WDR3: variants seen among roughly 807,000 people sequenced by gnomAD.
WDR3 encodes WD repeat domain 3, also known as WD repeat-containing protein 3.
Under a neutral mutation model 123.7 loss-of-function variants are expected in WDR3, and 81 were observed. The observed-to-expected ratio is 0.65, with a 90% confidence interval of 0.55 to 0.79. The LOEUF is 0.79. WDR3 is among the 30% of genes least tolerant of loss of function. WDR3 has a pLI of 0.00. For missense variants in WDR3, 1,027 were observed against 1,123.2 expected (o/e 0.91, Z 1.22); for synonymous variants, 390 against 388.8 (o/e 1.00, Z -0.04).
At chr1:117,934,401 G>T (rs779379918) in intron 2 of WDR3, 72 bp from the exon 3 acceptor site, 11 of 1,443,026 alleles carry the variant, frequency 7.6e-6, no homozygotes, top group Non-Finnish European at 9.6e-6. Flanking sequence ...TACTGTGCCT[G>T]AGTATTCCTA....
chr1:117,947,842 C>A (rs1420093164), intron 12 of WDR3, among the ~76,000 whole-genome samples: 2 of 152,098 alleles, frequency 1.3e-5, no homozygotes, highest in Non-Finnish European at 2.9e-5. Context: ...CATATACAGA[C>A]CTCTAAATAG....
At chr1:117,944,826 C>T (rs369532527) in intron 11 of WDR3, among the ~76,000 whole-genome samples, 3 of 152,034 alleles carry the variant, frequency 2.0e-5, no homozygotes, top group South Asian at 2.1e-4. Flanking sequence ...GTCAGCCTCC[C>T]GAGTAGCTGG....
Position 117,960,481 on chromosome 1 carries a change from A to T in WDR3, c.*1034A>T, listed in dbSNP as rs562506028. On this transcript the variant is annotated 3_prime_UTR_variant, in exon 27 of 27. Transcript: ENST00000349139. Reference sequence around the variant, plus strand: ...AATTGTCTGTCTGGATTGGCAGGCAACCACAGCCGCAGACCTCAATCTGTG... The same window carrying T: ...AATTGTCTGTCTGGATTGGCAGGCATCCACAGCCGCAGACCTCAATCTGTG... The T allele has an allele frequency of 1.3e-5, 2 of 152,320 alleles. No homozygotes were observed. Among genetic ancestry groups the T allele is most frequent in the Admixed American group, 1.3e-4 (2 of 15,300 alleles). The allele number at this position is 152,320 out of a possible 1,614,324, so 9.4% of individuals were successfully genotyped here.
chr1:117,933,820 T>A, intron 2 of WDR3: 1 of 315,834 alleles, frequency 3.2e-6, no homozygotes, highest in South Asian at 2.9e-5. Flanking sequence ...CTTATGCTTA[T>A]AGCTGGTTAT....
At chr1:117,955,556 G>A (rs973275528) in intron 24 of WDR3, among the ~76,000 whole-genome samples, 198 bp downstream of exon 24, 2 of 152,104 alleles carry the variant, frequency 1.3e-5, no homozygotes, top group Non-Finnish European at 2.9e-5. Context: ...AGTATGAAGA[G>A]AGATGCTTTT....
At chr1:117,944,747 G>T (rs1438525563) in intron 11 of WDR3, among the ~76,000 whole-genome samples, 1 of 152,092 alleles carries the variant, frequency 6.6e-6, no homozygotes, top group Non-Finnish European at 1.5e-5. Flanking sequence ...TGTCGCCCAG[G>T]CTGGAGTGCA....
chr1:117,950,996 C>G (rs1395595434), intron 16 of WDR3, 106 bp downstream of exon 16: 8 of 866,620 alleles, frequency 9.2e-6, no homozygotes, highest in Non-Finnish European at 1.4e-5. Flanking sequence ...TTTTTATCAT[C>G]ATTCTGTTAT....
Position 117,946,191 on chromosome 1 carries a change from C to T in WDR3, c.1422+12C>T, listed in dbSNP as rs748109748. Reference sequence around the variant, plus strand: ...TCATAGGAACAAAGGTAAATGGAGACTTTTTCTGGGATATCTGGATCTTTT... The same window carrying T: ...TCATAGGAACAAAGGTAAATGGAGATTTTTTCTGGGATATCTGGATCTTTT... On this transcript the variant is annotated intron_variant, in intron 12 of 26. Transcript: ENST00000349139. The T allele has an allele frequency of 1.7e-5, 27 of 1,588,218 alleles. No individual in the cohort carries two copies. Among genetic ancestry groups the T allele is most frequent in the Non-Finnish European group, 2.0e-5 (23 of 1,165,622 alleles).
chr1:117,934,083 T>C (rs1164140414), intron 2 of WDR3, among the ~76,000 whole-genome samples: 1 of 152,218 alleles, frequency 6.6e-6, no homozygotes, highest in Non-Finnish European at 1.5e-5. Flanking sequence ...CAGTACTCTG[T>C]TGCCACACAG....
Position 117,963,825 on chromosome 1 carries a change from T to C in WDR3, c.*4378T>C. 1 of 1,613,574 alleles carries C rather than the reference T, an allele frequency of 6.2e-7. No homozygotes were observed. The highest frequency in any genetic ancestry group is 1.7e-5 in the Admixed American group (1 of 59,962). ...TAATGTGGAGAAACTTTACGAGACA[T>C]GAAGACTCCAAGTGTGGAGGAATAA... On this transcript the variant is annotated 3_prime_UTR_variant, in exon 27 of 27. Transcript: ENST00000349139.
intron 10 of WDR3, among the ~76,000 whole-genome samples, chr1:117,942,917 T>C (rs1651226766): frequency 6.7e-6 from 1 of 148,318 alleles, no homozygotes; most frequent in African/African-American, 2.5e-5. Flanking sequence ...TTTTTTTACT[T>C]AAAAGCCTAC....
At chr1:117,952,191 T>C in intron 17 of WDR3, 106 bp from the exon 18 acceptor site, 2 of 1,439,596 alleles carry the variant, frequency 1.4e-6, no homozygotes, top group South Asian at 1.2e-5. Context: ...TTCTAAAATA[T>C]AGTCAGACAC....
At position 117,964,089 on chromosome 1, in the gene WDR3, G is replaced by A. The variant is rs972218267; in HGVS notation, c.*4642G>A. 66 of 790,272 alleles carry A rather than the reference G, an allele frequency of 8.4e-5. No homozygotes were observed. Among genetic ancestry groups the A allele is most frequent in the Non-Finnish European group, 1.1e-4 (58 of 505,444 alleles). The allele number at this position is 790,272 out of a possible 1,614,324, so 49.0% of individuals were successfully genotyped here. On this transcript the variant is annotated 3_prime_UTR_variant, in exon 27 of 27. Coordinates refer to ENST00000349139, the MANE Select transcript of WDR3 (RefSeq NM_006784.3). Reference sequence around the variant, plus strand: ...ATCCAATGCAAATTCTGCATGCTCAGGCTTGGGGGTTAGAGGATGGATATG... The same window carrying A: ...ATCCAATGCAAATTCTGCATGCTCAAGCTTGGGGGTTAGAGGATGGATATG...
intron 11 of WDR3, among the ~76,000 whole-genome samples, chr1:117,945,606 T>TG (rs1490867297): frequency 6.6e-6 from 1 of 152,250 alleles, no homozygotes; most frequent in Non-Finnish European, 1.5e-5. Context: ...TAGGAACCTC[T>TG]GCTGTTTCAT....
At chr1:117,959,225 C>G (rs1037234955) in intron 26 of WDR3, 67 bp from the exon 27 acceptor site, 155 of 1,551,780 alleles carry the variant, frequency 1.0e-4, no homozygotes, top group Non-Finnish European at 1.3e-4. Flanking sequence ...TACCCTAACT[C>G]TCATACGCTG....
At chr1:117,949,283 G>T (rs2101216497) in intron 13 of WDR3, among the ~76,000 whole-genome samples, 1 of 152,186 alleles carries the variant, frequency 6.6e-6, no homozygotes, top group East Asian at 1.9e-4. Context: ...AGACACTTGA[G>T]ATCCAGTGTT....
intron 1 of WDR3, among the ~76,000 whole-genome samples, chr1:117,931,534 A>G (rs1017825172): frequency 2.6e-5 from 4 of 152,240 alleles, no homozygotes; most frequent in African/African-American, 7.2e-5. Context: ...ATGTGAAACT[A>G]TAAGGTATTC....
Position 117,959,398 on chromosome 1 carries a change from AGAAGAG to A in WDR3, c.2793_2798del (p.Arg932_Lys933del). On this transcript the variant is annotated inframe_deletion, in exon 27 of 27. Coordinates refer to ENST00000349139, the MANE Select transcript of WDR3 (RefSeq NM_006784.3). ...GATGCTACTAGCCACTTGGAAGAGA[AGAAGAG>A]GAAGAGGAAAAAGAGGGAGAAGTTG... The A allele has an allele frequency of 1.2e-6, 2 of 1,613,894 alleles. No homozygotes were observed. Among genetic ancestry groups the A allele is most frequent in the African/African-American group, 1.3e-5 (1 of 75,056 alleles).
rs759295226 is a variant in WDR3 at position 117,943,390 on chromosome 1, G to A, written c.1098-6G>A. ...CTAGAACATTTATGATTATTTTCTT[G>A]TACAGGTCCTTTGACTTGATTCATT... On this transcript the variant is annotated splice_polypyrimidine_tract_variant and splice_region_variant and intron_variant, in intron 10 of 26. Coordinates refer to ENST00000349139, the MANE Select transcript of WDR3 (RefSeq NM_006784.3). The A allele has an allele frequency of 4.3e-6, 7 of 1,609,998 alleles. No individual in the cohort carries two copies. The African/African-American group carries it at 6.7e-5, about 15-fold the overall frequency.
Sources: allele counts gnomAD v4.1 joint callset (sites outside exome capture counted in the v4.1 genomes callset), GRCh38; gene constraint gnomAD v4.1.1; transcripts MANE v1.5; gene names NCBI Gene and HGNC (gene_info 2026-07-23, HGNC 2026-07-21).